The following AGBL4 variants were observed in gnomAD, a reference collection of about 807,000 sequenced individuals.
The protein encoded by AGBL4 is cytosolic carboxypeptidase 6.
A neutral mutation model predicts 66.4 loss-of-function variants in AGBL4; 58 were observed. The observed-to-expected ratio is 0.87, with a 90% CI of 0.71 to 1.09. AGBL4 has a LOEUF of 1.09. Among genes scored for constraint, AGBL4 ranks in the 50% least tolerant of loss-of-function variants. The pLI is 0.00. For synonymous variants in AGBL4, 234 were observed against 222.9 expected (o/e 1.05, Z -0.44); for missense variants, 579 against 631.0 (o/e 0.92, Z 0.88).
At chr1:49,049,585 A>T (rs553277855) in intron 4 of AGBL4, among the ~76,000 whole-genome samples, 1 of 152,114 alleles carries the variant, frequency 6.6e-6, no homozygotes, top group African/African-American at 2.4e-5. Flanking sequence ...AAGCAATGAA[A>T]AAAAGGGAAA....
At chr1:49,317,205 T>A (rs1177535903) in intron 3 of AGBL4, among the ~76,000 whole-genome samples, 1 of 152,038 alleles carries the variant, frequency 6.6e-6, no homozygotes, top group East Asian at 1.9e-4. Flanking sequence ...ATATTTTCAA[T>A]GATTTCTACA....
intron 5 of AGBL4, among the ~76,000 whole-genome samples, chr1:48,959,766 G>A (rs1035304757): frequency 2.6e-5 from 4 of 152,312 alleles, no homozygotes; most frequent in Non-Finnish European, 5.9e-5. Context: ...AATATGCTTG[G>A]TGAGTGCATG....
chr1:49,283,885 AC>A (rs1346387443), intron 3 of AGBL4, among the ~76,000 whole-genome samples: 1 of 147,990 alleles, frequency 6.8e-6, no homozygotes, highest in Non-Finnish European at 1.5e-5. Flanking sequence ...GACCAAATCT[AC>A]GTCTGATTGG....
At chr1:49,880,089 C>A (rs1229141354) in intron 1 of AGBL4, among the ~76,000 whole-genome samples, 4 of 151,894 alleles carry the variant, frequency 2.6e-5, no homozygotes, top group African/African-American at 4.8e-5. Flanking sequence ...TCTTCAACTT[C>A]TTTGCCTTTG....
At chr1:49,512,074 A>G (rs1409855676) in intron 3 of AGBL4, among the ~76,000 whole-genome samples, 1 of 152,038 alleles carries the variant, frequency 6.6e-6, no homozygotes, top group Non-Finnish European at 1.5e-5. Context: ...ACACTGTTGA[A>G]TAAAGTTCTT....
intron 11 of AGBL4, among the ~76,000 whole-genome samples, chr1:48,571,098 A>G (rs548472455): frequency 6.6e-6 from 1 of 152,346 alleles, no homozygotes; most frequent in South Asian, 2.1e-4. Context: ...ACTGACATGC[A>G]TTAGCTCATT....
At chr1:49,640,423 A>T (rs934311582) in intron 3 of AGBL4, among the ~76,000 whole-genome samples, 1 of 152,184 alleles carries the variant, frequency 6.6e-6, no homozygotes, top group African/African-American at 2.4e-5. Context: ...CTCACACCAC[A>T]GCATAGAGGG....
chr1:49,154,456 T>A (rs554626737), intron 4 of AGBL4, among the ~76,000 whole-genome samples: 1 of 152,270 alleles, frequency 6.6e-6, no homozygotes, highest in South Asian at 2.1e-4. Context: ...TTATAAGTGA[T>A]CAAAACTTCT....
At chr1:48,656,872 G>A (rs1330131674) in intron 7 of AGBL4, among the ~76,000 whole-genome samples, 2 of 152,148 alleles carry the variant, frequency 1.3e-5, no homozygotes, top group African/African-American at 4.8e-5. Flanking sequence ...CGGGTACTAT[G>A]TTCACTACTT....
At chr1:48,807,112 T>C (rs1216904754) in intron 6 of AGBL4, among the ~76,000 whole-genome samples, 2 of 152,228 alleles carry the variant, frequency 1.3e-5, no homozygotes, top group African/African-American at 2.4e-5. Flanking sequence ...TTCTGTGATA[T>C]GCTTTTGACC....
intron 3 of AGBL4, among the ~76,000 whole-genome samples, chr1:49,464,822 A>G (rs1436507456): frequency 3.3e-5 from 5 of 151,662 alleles, no homozygotes; most frequent in African/African-American, 1.2e-4. Context: ...CAGTAAATGG[A>G]AACATGGGAG....
intron 5 of AGBL4, among the ~76,000 whole-genome samples, chr1:48,924,750 G>T (rs1384511731): frequency 6.6e-6 from 1 of 152,058 alleles, no homozygotes; most frequent in Non-Finnish European, 1.5e-5. Flanking sequence ...CGTGTATGAG[G>T]TCATGTGTCT....
chr1:48,760,308 T>C (rs572056209), intron 6 of AGBL4, among the ~76,000 whole-genome samples: 4 of 152,308 alleles, frequency 2.6e-5, no homozygotes, highest in South Asian at 2.1e-4. Context: ...TTAGGAGCTC[T>C]CCTGACTGGG....
intron 3 of AGBL4, among the ~76,000 whole-genome samples, chr1:49,506,018 C>T (rs1648646601): frequency 1.3e-5 from 2 of 151,740 alleles, no homozygotes; most frequent in South Asian, 2.1e-4. Context: ...TTTCATTTCA[C>T]TCATTGTATT....
At chr1:48,967,047 G>GAC (rs538430009) in intron 5 of AGBL4, among the ~76,000 whole-genome samples, 11 of 125,220 alleles carry the variant, frequency 8.8e-5, no homozygotes, top group East Asian at 2.0e-4. Flanking sequence ...CACACACACA[G>GAC]ACACACACAC....
intron 3 of AGBL4, among the ~76,000 whole-genome samples, chr1:49,440,214 C>T (rs1037282493): frequency 5.3e-5 from 8 of 151,802 alleles, no homozygotes; most frequent in African/African-American, 9.7e-5. Flanking sequence ...GGATTATAGG[C>T]GCCCGCCACC....
intron 1 of AGBL4, among the ~76,000 whole-genome samples, chr1:49,947,074 T>G (rs1655278343): frequency 6.7e-6 from 1 of 149,164 alleles, no homozygotes; most frequent in Non-Finnish European, 1.5e-5. Context: ...AAAAAAAAAG[T>G]TCAAGACCAG....
intron 5 of AGBL4, among the ~76,000 whole-genome samples, chr1:48,885,423 T>C (rs1035324655): frequency 3.3e-5 from 5 of 152,218 alleles, no homozygotes; most frequent in African/African-American, 4.8e-5. Flanking sequence ...TCTACTAATC[T>C]AGTCCAAACT....
intron 1 of AGBL4, among the ~76,000 whole-genome samples, chr1:49,979,743 T>G (rs1658906209): frequency 6.6e-6 from 1 of 152,200 alleles, no homozygotes; most frequent in African/African-American, 2.4e-5. Flanking sequence ...ATAGTCTTTC[T>G]TCGTTTAGTG....
Sources: gnomAD v4.1 joint callset for allele counts (sites outside exome capture counted in the v4.1 genomes callset) on GRCh38, gnomAD v4.1.1 for gene constraint, MANE v1.5 for transcripts, NCBI Gene and HGNC (gene_info 2026-07-23, HGNC 2026-07-21) for gene names.